Variants in PPP2R2B observed in about 807,000 individuals in gnomAD.
PPP2R2B encodes the protein protein phosphatase 2 regulatory subunit Bbeta.
PPP2R2B carries 5 observed loss-of-function variants against 46.0 expected under a neutral mutation model. The observed-to-expected ratio is 0.11, with a 90% CI of 0.06 to 0.23. PPP2R2B has a LOEUF of 0.23. PPP2R2B is among the 10% of genes least tolerant of loss of function. PPP2R2B has a pLI of 1.00. For synonymous variants in PPP2R2B, 215 were observed against 206.7 expected (o/e 1.04, Z -0.34); for missense variants, 367 against 575.0 (o/e 0.64, Z 3.70).
intron 5 of PPP2R2B, among the ~76,000 whole-genome samples, chr5:146,676,120 T>C (rs953132489): frequency 2.0e-5 from 3 of 152,046 alleles, no homozygotes; most frequent in Non-Finnish European, 4.4e-5. Flanking sequence ...GAGGGCAACA[T>C]GGCCAAACTG....
At chr5:146,773,098 A>G (rs1270604587) in intron 2 of PPP2R2B, among the ~76,000 whole-genome samples, 1 of 152,202 alleles carries the variant, frequency 6.6e-6, no homozygotes, top group Non-Finnish European at 1.5e-5. Flanking sequence ...GTAATAGTGA[A>G]GATAAAGTTA....
chr5:146,603,779 G>A (rs1272867097), intron 7 of PPP2R2B, among the ~76,000 whole-genome samples: 1 of 152,106 alleles, frequency 6.6e-6, no homozygotes, highest in African/African-American at 2.4e-5. Context: ...TATGAAGTAG[G>A]AATTATGATT....
chr5:146,642,375 A>G (rs762320306), intron 6 of PPP2R2B, among the ~76,000 whole-genome samples: 1 of 152,228 alleles, frequency 6.6e-6, no homozygotes, highest in Non-Finnish European at 1.5e-5. Flanking sequence ...AAGAGGTAGC[A>G]TGGGGGCCAT....
chr5:146,808,649 G>A (rs1046448235), intron 2 of PPP2R2B, among the ~76,000 whole-genome samples: 1 of 152,130 alleles, frequency 6.6e-6, no homozygotes, highest in Non-Finnish European at 1.5e-5. Context: ...TGCCAGCCTT[G>A]CCAGCCTTGG....
intron 1 of PPP2R2B, among the ~76,000 whole-genome samples, chr5:146,996,253 C>A (rs1264862227): frequency 3.3e-5 from 5 of 152,104 alleles, no homozygotes; most frequent in African/African-American, 1.2e-4. Flanking sequence ...TCACAGAAGA[C>A]AATTTGGGCT....
chr5:146,732,421 G>A (rs527894430), intron 2 of PPP2R2B, among the ~76,000 whole-genome samples: 8 of 152,224 alleles, frequency 5.3e-5, no homozygotes, highest in Admixed American at 4.6e-4. Context: ...AAAACCAATG[G>A]GAGGATGGAC....
intron 6 of PPP2R2B, among the ~76,000 whole-genome samples, chr5:146,649,794 T>C (rs560346841): frequency 1.3e-5 from 2 of 152,218 alleles, no homozygotes; most frequent in East Asian, 3.9e-4. Context: ...GATACTTACA[T>C]TATGGGGTTG....
At chr5:146,794,449 T>TA (rs1429335429) in intron 2 of PPP2R2B, among the ~76,000 whole-genome samples, 1 of 152,208 alleles carries the variant, frequency 6.6e-6, no homozygotes, top group Non-Finnish European at 1.5e-5. Flanking sequence ...AATCAAAGTG[T>TA]AATAGCTTTT....
At chr5:147,034,565 TCTTTA>T (rs930087624) in intron 1 of PPP2R2B, among the ~76,000 whole-genome samples, 10 of 152,212 alleles carry the variant, frequency 6.6e-5, no homozygotes, top group African/African-American at 2.2e-4. Context: ...GTTTATTTTT[TCTTTA>T]CTTAAAGGGA....
upstream of PPP2R2B, chr5:146,878,847 G>A: frequency 8.2e-7 from 1 of 1,215,562 alleles, no homozygotes; most frequent in South Asian, 1.5e-5. The surrounding 1 kb of genome is among the most constrained non-coding windows in gnomAD (Gnocchi z 4.5). Flanking sequence ...CAGCAGTGGT[G>A]GCCGAGGCAG....
chr5:146,812,789 GTGTGTATATATA>G (rs1401328691), intron 2 of PPP2R2B, among the ~76,000 whole-genome samples: 1 of 6,416 alleles, frequency 1.6e-4, no homozygotes, highest in Non-Finnish European at 2.8e-4. Context: ...GTGTGTATAT[GTGTGTATATATA>G]TATATATATA....
chr5:147,079,932 CATCACACTGTACCTT>C (rs1394614982), intron 2 of PPP2R2B, among the ~76,000 whole-genome samples: 1 of 152,124 alleles, frequency 6.6e-6, no homozygotes, highest in Admixed American at 6.5e-5. Flanking sequence ...CATATCAAAA[CATCACACTGTACCTT>C]ATAAATATGT....
intron 2 of PPP2R2B, chr5:146,707,220 C>A: frequency 1.9e-6 from 3 of 1,577,684 alleles, no homozygotes; most frequent in Non-Finnish European, 2.6e-6. Flanking sequence ...TGCTCCCAGC[C>A]GTCTTCTGCT....
At chr5:146,888,152 A>T (rs982139245) in intron 1 of PPP2R2B, among the ~76,000 whole-genome samples, 2 of 152,066 alleles carry the variant, frequency 1.3e-5, no homozygotes, top group African/African-American at 4.8e-5. Flanking sequence ...TTCAAAGTTC[A>T]AAGTCCACAG....
At chr5:146,644,867 C>T (rs1775472388) in intron 6 of PPP2R2B, among the ~76,000 whole-genome samples, 1 of 152,090 alleles carries the variant, frequency 6.6e-6, no homozygotes, top group Admixed American at 6.5e-5. Context: ...ATATGCATTG[C>T]CTTTGTGAGG....
intron 9 of PPP2R2B, 99 bp downstream of exon 9, chr5:146,592,872 A>AT: frequency 8.1e-7 from 1 of 1,228,684 alleles, no homozygotes; most frequent in South Asian, 1.3e-5. Context: ...TTGGGGCCCA[A>AT]TTTTGACCTC....
intron 2 of PPP2R2B, among the ~76,000 whole-genome samples, chr5:146,757,622 G>A (rs1003043373): frequency 6.6e-6 from 1 of 152,152 alleles, no homozygotes; most frequent in Non-Finnish European, 1.5e-5. Context: ...AGAGGACATA[G>A]GGGTCTTCCC....
chr5:146,753,171 C>T (rs1212231943), intron 2 of PPP2R2B, among the ~76,000 whole-genome samples: 1 of 152,186 alleles, frequency 6.6e-6, no homozygotes, highest in South Asian at 2.1e-4. Flanking sequence ...TTGTATTTAT[C>T]ATGACACATG....
intron 2 of PPP2R2B, among the ~76,000 whole-genome samples, chr5:146,810,990 T>C (rs1561925649): frequency 2.0e-5 from 3 of 151,590 alleles, no homozygotes; most frequent in African/African-American, 7.3e-5. Flanking sequence ...TTTTTGTCCT[T>C]GTGATAGTTT....
Sources: allele counts gnomAD v4.1 joint callset (sites outside exome capture counted in the v4.1 genomes callset), GRCh38; gene constraint gnomAD v4.1.1; non-coding constraint Gnocchi (gnomAD v3.1); transcripts MANE v1.5; gene names NCBI Gene and HGNC (gene_info 2026-07-23, HGNC 2026-07-21).